Variants in TFDP2 observed in about 807,000 individuals in gnomAD.
The protein encoded by TFDP2 is transcription factor Dp-2 (E2F dimerization partner 2).
A neutral mutation model predicts 59.3 loss-of-function variants in TFDP2; 17 were observed. That is an observed-to-expected ratio of 0.29 (90% confidence interval 0.20 to 0.43). The LOEUF (loss-of-function observed/expected upper bound fraction) is 0.43, where lower values mean the gene tolerates loss of function less well. Ranked by LOEUF, TFDP2 falls within the 20% of genes least tolerant of loss-of-function variation. The pLI, the probability that TFDP2 is intolerant of heterozygous loss-of-function variation, is 1.00. For missense variants in TFDP2, 391 were observed against 528.8 expected (o/e 0.74, Z 2.56); for synonymous variants, 180 against 194.7 (o/e 0.92, Z 0.63).
intron 3 of TFDP2, among the ~76,000 whole-genome samples, chr3:142,088,306 C>T (rs2060873469): frequency 6.6e-6 from 1 of 151,920 alleles, no homozygotes; most frequent in South Asian, 2.1e-4. Flanking sequence ...AACCCTGGAG[C>T]AGTCCAGCTA....
chr3:142,074,180 G>T (rs576596013), intron 3 of TFDP2, among the ~76,000 whole-genome samples: 13 of 151,768 alleles, frequency 8.6e-5, no homozygotes, highest in African/African-American at 3.1e-4. Flanking sequence ...GGCCGAGGGC[G>T]GGTGGATCAC....
At chr3:142,020,353 G>C (rs1945490965) in intron 3 of TFDP2, among the ~76,000 whole-genome samples, 1 of 152,112 alleles carries the variant, frequency 6.6e-6, no homozygotes, top group South Asian at 2.1e-4. Context: ...GACCAACATG[G>C]TGAAACCCTG....
chr3:141,981,025 G>A (rs1192733419), intron 6 of TFDP2, among the ~76,000 whole-genome samples: 5 of 152,122 alleles, frequency 3.3e-5, no homozygotes, highest in African/African-American at 1.2e-4. Context: ...GTAGTGTGCA[G>A]TAAATTCCTA....
At position 142,099,395 on chromosome 3, in the gene TFDP2, AATG is replaced by A. The variant is rs2061256415; in HGVS notation, c.15+2337_15+2339del. Among the ~76,000 whole-genome samples, 3 of 152,226 alleles carry A rather than the reference AATG, an allele frequency of 2.0e-5. No homozygotes were observed. The South Asian group carries it at 6.2e-4, about 32-fold the overall frequency. ...ATCACATGTAGTCCCATTGCTTTAC[AATG>A]ATTTTAATATGAAATGACCCGGGCC... On this transcript the variant is annotated intron_variant, in intron 2 of 12. Coordinates refer to ENST00000489671, the MANE Select transcript of TFDP2 (RefSeq NM_001178139.2).
In TFDP2 at chr3:141,978,690, G is replaced by T; in HGVS notation, c.357-8C>A. ...CCTTTTTTGCTTCGTTTACTAGAAGGGAAAAAAGTTTTTTTTACTCCATTA... is the reference window on the plus strand; with the variant it reads ...CCTTTTTTGCTTCGTTTACTAGAAGTGAAAAAAGTTTTTTTTACTCCATTA... On this transcript the variant is annotated splice_region_variant and splice_polypyrimidine_tract_variant and intron_variant, in intron 6 of 12. Coordinates refer to ENST00000489671, the MANE Select transcript of TFDP2 (RefSeq NM_001178139.2). 6.3e-7 allele frequency: 1 copy of T among 1,587,180 alleles called. No individual in the cohort carries two copies. Among genetic ancestry groups the T allele is most frequent in the Non-Finnish European group, 8.5e-7 (1 of 1,171,136 alleles).
chr3:142,006,762 C>T (rs1050991656), intron 3 of TFDP2, among the ~76,000 whole-genome samples: 2 of 151,844 alleles, frequency 1.3e-5, no homozygotes, highest in African/African-American at 4.8e-5. Context: ...CCACGGCACC[C>T]AGCCTAAATG....
At chr3:142,118,070 C>T (rs111728645) in intron 1 of TFDP2, among the ~76,000 whole-genome samples, 12,975 of 152,144 alleles carry the variant, frequency 0.085, 704 homozygotes, top group Middle Eastern at 0.14. Context: ...TGCACTCCAG[C>T]CTGGGTGACA....
chr3:141,975,743 TAAC>T (rs1464415214), intron 7 of TFDP2, among the ~76,000 whole-genome samples: 6 of 151,468 alleles, frequency 4.0e-5, no homozygotes, highest in Non-Finnish European at 7.4e-5. Context: ...AATGATACTG[TAAC>T]AACAAGTACT....
chr3:142,142,799 A>G (rs771520202), intron 1 of TFDP2, among the ~76,000 whole-genome samples: 1 of 152,214 alleles, frequency 6.6e-6, no homozygotes, highest in Non-Finnish European at 1.5e-5. Flanking sequence ...ACAAATCCAC[A>G]CACCTACAGT....
rs531638309 is a variant in TFDP2, at chr3:141,951,211, T to C, written c.*1302A>G. 29 of 152,242 alleles carry C rather than the reference T, an allele frequency of 1.9e-4. No homozygotes were observed. Among genetic ancestry groups the C allele is most frequent in the African/African-American group, 6.7e-4 (28 of 41,522 alleles). The allele number at this position is 152,242 out of a possible 1,614,324, so 9.4% of individuals were successfully genotyped here. A position where few individuals can be genotyped will look rare whatever the true frequency, so the allele number is the denominator to read the frequency against. Reference sequence around the variant, plus strand: ...TATTTGCTCCTTTCCAAAGCCTTAATGTGAAATTCAGTCAGGGTCTGGCCA... The same window carrying C: ...TATTTGCTCCTTTCCAAAGCCTTAACGTGAAATTCAGTCAGGGTCTGGCCA... On this transcript the variant is annotated 3_prime_UTR_variant, in exon 13 of 13. Coordinates refer to ENST00000489671, the MANE Select transcript of TFDP2 (RefSeq NM_001178139.2).
At position 142,145,131 on chromosome 3, in the gene TFDP2, AAATTTATC is replaced by A. The variant is rs1212341947; in HGVS notation, c.-93+4044_-93+4051del. On this transcript the variant is annotated intron_variant, in intron 1 of 12. Coordinates refer to ENST00000489671, the MANE Select transcript of TFDP2 (RefSeq NM_001178139.2). Reference sequence around the variant, plus strand: ...ATCTTGTGCAAAATGGGCATTTAATAAATTTATCAATGAACTGGAGGAAATGAAAGCTC... The same window carrying A: ...ATCTTGTGCAAAATGGGCATTTAATAAATGAACTGGAGGAAATGAAAGCTC... Among the ~76,000 whole-genome samples the A allele has an allele frequency of 2.6e-5, 4 of 152,354 alleles. No homozygotes were observed. The East Asian group carries it at 7.7e-4, about 29-fold the overall frequency.
At chr3:142,056,420 G>A (rs560916212) in intron 3 of TFDP2, among the ~76,000 whole-genome samples, 3 of 151,998 alleles carry the variant, frequency 2.0e-5, no homozygotes, top group South Asian at 4.2e-4. Flanking sequence ...ATATAGAAGC[G>A]GGATAGCACA....
At position 141,950,479 on chromosome 3, in the gene TFDP2, T is replaced by G. The variant is rs1187294296; in HGVS notation, c.*2034A>C. On this transcript the variant is annotated 3_prime_UTR_variant, in exon 13 of 13. Transcript: ENST00000489671. ...GCATGAGAGCAGCAGAGATGGAGAGTAGAGAAAAAAACAGGTTTCCCAAGA... is the reference window on the plus strand; with the variant it reads ...GCATGAGAGCAGCAGAGATGGAGAGGAGAGAAAAAAACAGGTTTCCCAAGA... 1 of 152,258 alleles carries G rather than the reference T, an allele frequency of 6.6e-6. No homozygotes were observed. Among genetic ancestry groups the G allele is most frequent in the Admixed American group, 6.6e-5 (1 of 15,220 alleles). 9.4% of individuals were successfully genotyped at this position (152,258 alleles called of 1,614,324 possible). A position where few individuals can be genotyped will look rare whatever the true frequency, so the allele number is the denominator to read the frequency against.
chr3:142,034,253 G>T (rs150780190), intron 3 of TFDP2, among the ~76,000 whole-genome samples: 3 of 151,792 alleles, frequency 2.0e-5, no homozygotes, highest in African/African-American at 7.2e-5. Context: ...GCGCCACCAC[G>T]CCTGGCTAAT....
intron 3 of TFDP2, among the ~76,000 whole-genome samples, chr3:142,063,824 T>C (rs1337069994): frequency 2.2e-5 from 3 of 138,830 alleles, no homozygotes; most frequent in South Asian, 2.8e-4. Flanking sequence ...ATTAGACACA[T>C]AGCAGGTACT....
chr3:142,012,876 C>T (rs1576699693), intron 3 of TFDP2, among the ~76,000 whole-genome samples: 1 of 152,108 alleles, frequency 6.6e-6, no homozygotes, highest in African/African-American at 2.4e-5. Flanking sequence ...CGGTGGCTCA[C>T]GCTTGTAATC....
chr3:141,964,923 G>T (rs1460518647), intron 9 of TFDP2, among the ~76,000 whole-genome samples: 1 of 152,120 alleles, frequency 6.6e-6, no homozygotes, highest in Admixed American at 6.5e-5. Flanking sequence ...ACTGGATCTT[G>T]CCGCTACTTT....
intron 1 of TFDP2, among the ~76,000 whole-genome samples, chr3:142,134,809 C>G (rs575525288): frequency 6.6e-6 from 1 of 152,074 alleles, no homozygotes; most frequent in East Asian, 1.9e-4. Flanking sequence ...CTCTGTTTAA[C>G]AGTTTGTCAG....
intron 3 of TFDP2, among the ~76,000 whole-genome samples, chr3:142,072,820 A>G (rs1017451504): frequency 3.9e-5 from 6 of 152,214 alleles, no homozygotes; most frequent in African/African-American, 1.2e-4. Context: ...TCAATAGAGG[A>G]GAAGGGACAA....
Sources: allele counts gnomAD v4.1 joint callset (sites outside exome capture counted in the v4.1 genomes callset), GRCh38; gene constraint gnomAD v4.1.1; transcripts MANE v1.5; gene names NCBI Gene and HGNC (gene_info 2026-07-23, HGNC 2026-07-21).